Variants in UBE3C observed in about 807,000 individuals in gnomAD.
The protein encoded by UBE3C is ubiquitin protein ligase E3C, also known as ubiquitin-protein ligase E3C.
Under a neutral mutation model 129.4 loss-of-function variants are expected in UBE3C, and 42 were observed. The observed-to-expected ratio is 0.32, with a 90% CI of 0.25 to 0.42. The LOEUF (loss-of-function observed/expected upper bound fraction) is 0.42, where lower values mean the gene tolerates loss of function less well. UBE3C is among the 10% of genes least tolerant of loss of function. UBE3C has a pLI of 1.00. For missense variants in UBE3C, 1,049 were observed against 1,319.1 expected (o/e 0.80, Z 3.17); for synonymous variants, 510 against 492.4 (o/e 1.04, Z -0.47).
intron 5 of UBE3C, 100 bp downstream of exon 5, chr7:157,175,134 A>AAAAATTTTTTTTTTTT: frequency 2.2e-6 from 1 of 448,912 alleles, no homozygotes; most frequent in Non-Finnish European, 3.0e-6. Flanking sequence ...TGGCTTTTCC[A>AAAAATTTTTTTTTTTT]TACTTTTTTT....
chr7:157,255,833 CTCA>C (rs1796737890), intron 21 of UBE3C, among the ~76,000 whole-genome samples: 1 of 152,036 alleles, frequency 6.6e-6, no homozygotes, highest in South Asian at 2.1e-4. Flanking sequence ...GAATAGTGGT[CTCA>C]TCATATAGTG....
intron 17 of UBE3C, among the ~76,000 whole-genome samples, chr7:157,227,477 T>A (rs1458465541): frequency 6.6e-6 from 1 of 152,002 alleles, no homozygotes; most frequent in African/African-American, 2.4e-5. Context: ...GGCAGGCAGA[T>A]CACAAGGTCA....
rs540984393 is a variant in UBE3C, at chr7:157,256,873, G to A, written c.2951-41G>A. ...TCCCTGTGGGTCCTGAAGGGTGGGTGTGCTTTGCATTTCATAAAGCATGTG... is the reference window on the plus strand; with the variant it reads ...TCCCTGTGGGTCCTGAAGGGTGGGTATGCTTTGCATTTCATAAAGCATGTG... On this transcript the variant is annotated intron_variant, in intron 21 of 22. Transcript: ENST00000348165. The A allele has an allele frequency of 6.5e-5, 105 of 1,611,580 alleles. No homozygotes were observed. The South Asian group carries it at 1.1e-3, about 17-fold the overall frequency.
chr7:157,215,492 T>G (rs1432401537), intron 13 of UBE3C, among the ~76,000 whole-genome samples: 2 of 148,154 alleles, frequency 1.3e-5, no homozygotes, highest in African/African-American at 4.9e-5. Context: ...ATATACTAGA[T>G]ACATAGTATA....
intron 18 of UBE3C, among the ~76,000 whole-genome samples, chr7:157,242,279 G>C (rs148661073): frequency 1.3e-5 from 2 of 152,304 alleles, no homozygotes; most frequent in East Asian, 3.9e-4. Context: ...GGAGTATAGT[G>C]ATTAGAGCAT....
intron 1 of UBE3C, among the ~76,000 whole-genome samples, chr7:157,150,481 AAG>A (rs796380747): frequency 8.5e-5 from 13 of 152,356 alleles, no homozygotes; most frequent in African/African-American, 3.1e-4. Context: ...TAATATGCAT[AAG>A]AGAAGATGCA....
At chr7:157,174,503 G>C (rs1808462181) in intron 4 of UBE3C, among the ~76,000 whole-genome samples, 2 of 152,148 alleles carry the variant, frequency 1.3e-5, no homozygotes, top group African/African-American at 4.8e-5. Context: ...AGGCAGTGCA[G>C]TGGCTTGATG....
chr7:157,267,868 T>C lies in UBE3C; in HGVS notation c.*113T>C. 1 of 825,032 alleles carries C rather than the reference T, an allele frequency of 1.2e-6. No homozygotes were observed. Among genetic ancestry groups the C allele is most frequent in the Non-Finnish European group, 1.8e-6 (1 of 565,766 alleles). 51.1% of individuals were successfully genotyped at this position (825,032 alleles called of 1,614,324 possible). A position where few individuals can be genotyped will look rare whatever the true frequency, so the allele number is the denominator to read the frequency against. On this transcript the variant is annotated 3_prime_UTR_variant, in exon 23 of 23. Coordinates refer to ENST00000348165, the MANE Select transcript of UBE3C (RefSeq NM_014671.3). ...CACGCCTGAGGCTCTCCTAAGCTCC[T>C]TCTTTCATTCTGCCATTCCTCCCTC...
intron 7 of UBE3C, 53 bp from the exon 8 acceptor site, chr7:157,182,055 T>G: frequency 6.8e-7 from 1 of 1,471,894 alleles, no homozygotes; most frequent in Non-Finnish European, 9.1e-7. Flanking sequence ...AATCAGTGAT[T>G]GGATGGACAG....
At chr7:157,255,671 T>G (rs1412948067) in intron 21 of UBE3C, among the ~76,000 whole-genome samples, 1 of 152,194 alleles carries the variant, frequency 6.6e-6, no homozygotes, top group Non-Finnish European at 1.5e-5. Flanking sequence ...AAATATTATA[T>G]TCATTTTGGT....
chr7:157,162,317 C>A (rs1013030679), intron 1 of UBE3C, among the ~76,000 whole-genome samples: 2 of 151,890 alleles, frequency 1.3e-5, no homozygotes, highest in Non-Finnish European at 2.9e-5. Flanking sequence ...CCCTCAGCCT[C>A]TCGAGTAGCT....
chr7:157,167,729 G>GAA (rs1808257300), intron 2 of UBE3C, among the ~76,000 whole-genome samples: 1 of 151,654 alleles, frequency 6.6e-6, no homozygotes, highest in Non-Finnish European at 1.5e-5. Flanking sequence ...GAAGAGGTAT[G>GAA]GTTTCACCAT....
At chr7:157,239,133 T>C (rs1399496600) in intron 18 of UBE3C, among the ~76,000 whole-genome samples, 1 of 152,194 alleles carries the variant, frequency 6.6e-6, no homozygotes, top group Non-Finnish European at 1.5e-5. Context: ...AATGTGTACC[T>C]ATTAATTAGA....
intron 18 of UBE3C, among the ~76,000 whole-genome samples, chr7:157,246,132 A>T (rs1044021765): frequency 1.3e-5 from 2 of 152,150 alleles, no homozygotes; most frequent in African/African-American, 4.8e-5. Context: ...GTATCAGTGG[A>T]CGAGTCCTTA....
chr7:157,193,661 CTT>C (rs35221804), intron 10 of UBE3C, among the ~76,000 whole-genome samples: 91 of 140,590 alleles, frequency 6.5e-4, no homozygotes, highest in Non-Finnish European at 5.6e-4. Context: ...AGAAATTTGT[CTT>C]TTTTTTTTTT....
In UBE3C at chr7:157,242,522, T is replaced by TTTG. The variant is rs1563071715; in HGVS notation, c.2482-5844_2482-5843insGTT. The stretch of plus-strand genomic sequence containing the variant: ...GAGACTGAGCCTGAGTTGTTTTTTT[T>TTTG]TTTTTTTTTTTTTTTAAATTCCTAC... On this transcript the variant is annotated intron_variant, in intron 18 of 22. Coordinates refer to ENST00000348165, the MANE Select transcript of UBE3C (RefSeq NM_014671.3). 3.8e-3 allele frequency among the ~76,000 whole-genome samples: 558 copies of TTTG among 147,320 alleles called. 7 individuals carry two copies. Among genetic ancestry groups the TTTG allele is most frequent in the African/African-American group, 0.013 (538 of 40,598 alleles).
At position 157,268,858 on chromosome 7, in the gene UBE3C, C is replaced by T. The variant is rs555497075; in HGVS notation, c.*1103C>T. ...GATTTTAGTCTCTACAAACAGAAAG[C>T]GTTTCAAAGCGTCAGCTGTGGGAGC... On this transcript the variant is annotated 3_prime_UTR_variant, in exon 23 of 23. Coordinates refer to ENST00000348165, the MANE Select transcript of UBE3C (RefSeq NM_014671.3). 7.2e-5 allele frequency: 11 copies of T among 152,644 alleles called. No individual in the cohort carries two copies. The highest frequency in any genetic ancestry group is 2.7e-4 in the African/African-American group (11 of 41,442). The allele number at this position is 152,644 out of a possible 1,614,324, so 9.5% of individuals were successfully genotyped here.
chr7:157,143,691 C>T (rs1807522459), intron 1 of UBE3C, among the ~76,000 whole-genome samples: 1 of 152,100 alleles, frequency 6.6e-6, no homozygotes, highest in Non-Finnish European at 1.5e-5. Context: ...CTAGGTGCAC[C>T]TGAGGGCTGG....
rs144198106 is a variant in UBE3C at position 157,223,267 on chromosome 7, C to G, written c.2016C>G (p.Ser672=). The G allele has an allele frequency of 4.3e-6, 7 of 1,614,102 alleles. No homozygotes were observed. Among genetic ancestry groups the G allele is most frequent in the Non-Finnish European group, 5.9e-6 (7 of 1,180,006 alleles). Reference sequence around the variant, plus strand: ...AATGTGTTTTAGTGGGTTTGGAGTCCCCGCCGCTGTCTGTGTCTGAGGAAA... The same window carrying G: ...AATGTGTTTTAGTGGGTTTGGAGTCGCCGCCGCTGTCTGTGTCTGAGGAAA... The part of the protein sequence containing the change: ...LQSTLDVGLE[S]PPLSVSEERQ... The change falls in exon 16 of 23, where the codon TCC becomes TCG. Residue 672 remains serine, a synonymous_variant. Coordinates refer to ENST00000348165, the MANE Select transcript of UBE3C (RefSeq NM_014671.3).
Sources: allele counts gnomAD v4.1 joint callset (sites outside exome capture counted in the v4.1 genomes callset), GRCh38; gene constraint gnomAD v4.1.1; transcripts MANE v1.5; gene names NCBI Gene and HGNC (gene_info 2026-07-23, HGNC 2026-07-21).